CC2D2B: variants seen among roughly 807,000 people sequenced by gnomAD.
CC2D2B encodes protein CC2D2B.
Under a neutral mutation model 161.2 loss-of-function variants are expected in CC2D2B, and 128 were observed. The observed-to-expected ratio is 0.79, with a 90% CI of 0.69 to 0.92. The LOEUF (loss-of-function observed/expected upper bound fraction) is 0.92. Ranked by LOEUF, CC2D2B falls within the 40% of genes least tolerant of loss-of-function variation. The pLI, the probability that CC2D2B is intolerant of heterozygous loss-of-function variation, is 0.00. For missense variants in CC2D2B, 1,173 were observed against 1,375.1 expected, an observed-to-expected ratio of 0.85 and a Z score of 2.32; for synonymous variants, 391 against 449.8, an observed-to-expected ratio of 0.87 and a Z score of 1.65.
intron 19 of CC2D2B, among the ~76,000 whole-genome samples, chr10:95,985,248 A>G (rs2077673307): frequency 6.6e-6 from 1 of 152,246 alleles, no homozygotes; most frequent in African/African-American, 2.4e-5. Context: ...GAAATAGAAT[A>G]GACTTATTAT....
Position 95,943,318 on chromosome 10 carries a change from A to G in CC2D2B, c.801+4393A>G, listed in dbSNP as rs117687554. On this transcript the variant is annotated intron_variant, in intron 9 of 34. Transcript: ENST00000646931. Reference sequence around the variant, plus strand: ...TCTGCTATCTCCCACACAATCGCCAATGCTATTCAGACCTTCTGAATATTG... The same window carrying G: ...TCTGCTATCTCCCACACAATCGCCAGTGCTATTCAGACCTTCTGAATATTG... Among the ~76,000 whole-genome samples the G allele has an allele frequency of 8.7e-3, 1,330 of 152,274 alleles. 7 individuals are homozygous for G. The highest frequency in any genetic ancestry group is 0.017 in the Middle Eastern group (5 of 294).
chr10:96,015,253 T>A (rs796194061), intron 29 of CC2D2B, among the ~76,000 whole-genome samples: 8 of 146,338 alleles, frequency 5.5e-5, no homozygotes, highest in African/African-American at 1.8e-4. Context: ...TTTTTTTTTG[T>A]ATTTTAGCAG....
intron 32 of CC2D2B, among the ~76,000 whole-genome samples, chr10:96,023,875 C>T (rs574483253): frequency 6.6e-5 from 10 of 152,312 alleles, no homozygotes; most frequent in African/African-American, 2.4e-4. Context: ...ATTTGTGTTT[C>T]GAACAAGTTC....
intron 22 of CC2D2B, chr10:95,993,046 C>T (rs568398076): frequency 1.2e-5 from 2 of 165,730 alleles, no homozygotes; most frequent in African/African-American, 4.8e-5. Flanking sequence ...GCCACTGACT[C>T]TCTCAGTACT....
chr10:96,025,166 T>TATATAAA (rs1564683697), intron 33 of CC2D2B, among the ~76,000 whole-genome samples: 4 of 9,966 alleles, frequency 4.0e-4, no homozygotes, highest in African/African-American at 1.7e-3. Flanking sequence ...TATATATATA[T>TATATAAA]ATATATATAT....
At chr10:95,947,554 C>T (rs991314163) in intron 9 of CC2D2B, among the ~76,000 whole-genome samples, 2 of 151,794 alleles carry the variant, frequency 1.3e-5, no homozygotes, top group African/African-American at 4.8e-5. Flanking sequence ...CTATCCTGGC[C>T]AAAATGGTGA....
chr10:95,956,237 T>C (rs1344603838), intron 11 of CC2D2B, among the ~76,000 whole-genome samples: 1 of 152,090 alleles, frequency 6.6e-6, no homozygotes, highest in Non-Finnish European at 1.5e-5. Context: ...TTCAAAGATA[T>C]AACATTTTAA....
intron 28 of CC2D2B, among the ~76,000 whole-genome samples, chr10:96,013,559 C>T (rs2079078704): frequency 6.6e-6 from 1 of 151,578 alleles, no homozygotes; most frequent in Non-Finnish European, 1.5e-5. Context: ...GTGCAGTCAG[C>T]CCAACTTGGG....
chr10:96,016,724 T>C (rs2079215471), intron 30 of CC2D2B, among the ~76,000 whole-genome samples: 1 of 152,164 alleles, frequency 6.6e-6, no homozygotes, highest in African/African-American at 2.4e-5. Flanking sequence ...TTTTTGTTTT[T>C]ATTTTTGTTT....
rs2075889766 is a variant in CC2D2B, at chr10:95,938,048, G to A, written c.394G>A (p.Val132Ile). ...CFSLGVNLQN[V>I]AESEEEEFMK... ...TTCACTTGGTGTTAATTTACAAAATGTTGCTGAGAGTGAAGAGGAAGAGTT... is the reference window on the plus strand; with the variant it reads ...TTCACTTGGTGTTAATTTACAAAATATTGCTGAGAGTGAAGAGGAAGAGTT... The change falls in exon 7 of 35, where the codon GTT becomes ATT. Residue 132 changes from valine (V) to isoleucine (I), a missense_variant. By Grantham distance (29) the Val-to-Ile change is conservative. Transcript: ENST00000646931. 1.3e-6 allele frequency: 2 copies of A among 1,550,986 alleles called. No homozygotes were observed. Among genetic ancestry groups the A allele is most frequent in the South Asian group, 1.2e-5 (1 of 84,044 alleles).
chr10:95,948,083 C>T (rs1028935342), intron 9 of CC2D2B, among the ~76,000 whole-genome samples: 5 of 152,164 alleles, frequency 3.3e-5, no homozygotes, highest in Non-Finnish European at 7.3e-5. Flanking sequence ...TTCCACTCCA[C>T]CAGCACACAA....
At chr10:95,990,576 T>C (rs1213097824) in intron 20 of CC2D2B, among the ~76,000 whole-genome samples, 1 of 152,106 alleles carries the variant, frequency 6.6e-6, no homozygotes, top group African/African-American at 2.4e-5. Flanking sequence ...TTGTTGTCCG[T>C]GTGGCAGGAT....
chr10:96,019,204 G>T lies in CC2D2B; in HGVS notation c.3632G>T (p.Gly1211Val). Reference protein sequence around the residue: ...LVLLGTSVLEGHVAYVVTQET... With the variant: ...LVLLGTSVLEVHVAYVVTQET... Reference sequence around the variant, plus strand: ...ATTACTTTCTTTTTTCTCATACAGGGGCATGTGGCTTATGTAGTAACTCAA... The same window carrying T: ...ATTACTTTCTTTTTTCTCATACAGGTGCATGTGGCTTATGTAGTAACTCAA... Residue 1211 changes from glycine (G) to valine (V), a missense_variant and splice_region_variant, in exon 31 of 35, where the codon GGG becomes GTG. This residue lies in a region of CC2D2B where 598 missense variants were observed against 693.2 expected (regional missense o/e 0.86). Transcript: ENST00000646931. The T allele has an allele frequency of 6.3e-7, 1 of 1,589,974 alleles. No individual in the cohort carries two copies. The highest frequency in any genetic ancestry group is 1.4e-5 in the African/African-American group (1 of 73,494).
At chr10:95,917,858 G>C (rs1367799814) in intron 2 of CC2D2B, among the ~76,000 whole-genome samples, 2 of 152,090 alleles carry the variant, frequency 1.3e-5, no homozygotes, top group African/African-American at 4.8e-5. Context: ...GCTCACTGCA[G>C]CCTCCACCTC....
At chr10:95,946,338 TG>T (rs2076198103) in intron 9 of CC2D2B, among the ~76,000 whole-genome samples, 1 of 152,174 alleles carries the variant, frequency 6.6e-6, no homozygotes, top group Admixed American at 6.5e-5. Context: ...AGTCAGTAGG[TG>T]CTGAAGAGGA....
At chr10:96,007,556 C>T (rs1371411581) in intron 25 of CC2D2B, among the ~76,000 whole-genome samples, 1 of 152,088 alleles carries the variant, frequency 6.6e-6, no homozygotes, top group East Asian at 1.9e-4. Flanking sequence ...TTGCTCAGCT[C>T]TGTTGTTGCT....
intron 22 of CC2D2B, 69 bp from the exon 23 acceptor site, chr10:95,995,200 C>A: frequency 2.4e-6 from 2 of 828,364 alleles, no homozygotes; most frequent in Non-Finnish European, 1.8e-6. Context: ...AGGAAAAACC[C>A]ACCCACTCCT....
chr10:95,911,612 C>T (rs2141096693), intron 2 of CC2D2B, among the ~76,000 whole-genome samples: 1 of 152,156 alleles, frequency 6.6e-6, no homozygotes, highest in South Asian at 2.1e-4. Flanking sequence ...TTTATATGTT[C>T]TCTCACCTAG....
intron 2 of CC2D2B, among the ~76,000 whole-genome samples, chr10:95,917,984 T>C (rs4254003): frequency 0.62 from 94,734 of 151,852 alleles, 30,130 homozygotes; most frequent in Admixed American, 0.7. Context: ...ACCATATTGG[T>C]CAGGCGGATC....
Sources: allele counts gnomAD v4.1 joint callset (sites outside exome capture counted in the v4.1 genomes callset), GRCh38; gene constraint gnomAD v4.1.1; regional missense constraint gnomAD v4.1.1; transcripts MANE v1.5; gene names NCBI Gene and HGNC (gene_info 2026-07-23, HGNC 2026-07-21).